PCMT1: variants seen among roughly 807,000 people sequenced by gnomAD.
PCMT1 encodes the protein protein-L-isoaspartate(D-aspartate) O-methyltransferase.
PCMT1 carries 9 observed loss-of-function variants against 29.2 expected under a neutral mutation model. The ratio of observed to expected loss-of-function variants is 0.31; its 90% CI spans 0.19 to 0.54. The LOEUF is 0.54. Ranked by LOEUF, PCMT1 falls within the 20% of genes least tolerant of loss-of-function variation. The probability of loss-of-function intolerance (pLI) is 0.95; values close to 1 mark genes in which losing one functional copy is unlikely to be tolerated. For synonymous variants in PCMT1, 98 were observed against 97.5 expected, an observed-to-expected ratio of 1.00 and a Z score of -0.03; for missense variants, 184 against 282.2, an observed-to-expected ratio of 0.65 and a Z score of 2.49.
At chr6:149,765,438 T>G (rs139387095) in intron 1 of PCMT1, among the ~76,000 whole-genome samples, 92 of 152,112 alleles carry the variant, frequency 6.0e-4, no homozygotes, top group Middle Eastern at 3.4e-3. Context: ...TGCCTATGCT[T>G]CTTCGGGTAG....
intron 1 of PCMT1, 89 bp from the exon 2 acceptor site, chr6:149,771,073 C>T: frequency 1.5e-6 from 1 of 663,952 alleles, no homozygotes; most frequent in Non-Finnish European, 2.5e-6. Flanking sequence ...TCTTCCAGTT[C>T]AGTCTCTATA....
At chr6:149,802,685 C>T (rs1259719380) in intron 7 of PCMT1, among the ~76,000 whole-genome samples, 2 of 151,082 alleles carry the variant, frequency 1.3e-5, no homozygotes, top group East Asian at 3.9e-4. Flanking sequence ...ATTTTTTCTT[C>T]ATTATCAGCC....
At chr6:149,771,134 CT>C in intron 1 of PCMT1, 27 bp from the exon 2 acceptor site, 4 of 1,280,610 alleles carry the variant, frequency 3.1e-6, no homozygotes, top group Non-Finnish European at 4.6e-6. Context: ...TCTCTCTCTT[CT>C]GAAAATATTT....
chr6:149,765,063 A>T (rs1787020789), intron 1 of PCMT1, among the ~76,000 whole-genome samples: 1 of 148,754 alleles, frequency 6.7e-6, no homozygotes, highest in Non-Finnish European at 1.5e-5. Context: ...ATAAATATAA[A>T]AAATAAAATA....
intron 5 of PCMT1, 187 bp from the exon 6 acceptor site, chr6:149,796,228 A>C: frequency 4.8e-6 from 2 of 413,838 alleles, no homozygotes; most frequent in South Asian, 1.3e-4. Context: ...CCATTGTTTT[A>C]ATGTTTCTGA....
chr6:149,781,204 GT>G (rs1408665915), intron 3 of PCMT1, among the ~76,000 whole-genome samples: 11 of 24,382 alleles, frequency 4.5e-4, no homozygotes, highest in East Asian at 6.0e-3. Context: ...TTTTTTTTTT[GT>G]TTTTTTTTTT....
intron 5 of PCMT1, chr6:149,795,193 C>CA (rs58391587): frequency 0.026 from 7,151 of 271,324 alleles, 1 homozygote; most frequent in South Asian, 0.04. Context: ...GACTTCGTCT[C>CA]AAAAAAAAAA....
chr6:149,789,252 A>AT (rs1788254766), intron 3 of PCMT1, among the ~76,000 whole-genome samples: 1 of 151,654 alleles, frequency 6.6e-6, no homozygotes. Context: ...ATTTTCTTGT[A>AT]TTTTTAGTAG....
chr6:149,802,539 C>T, intron 7 of PCMT1, 123 bp downstream of exon 7: 1 of 1,273,744 alleles, frequency 7.9e-7, no homozygotes, highest in Non-Finnish European at 9.9e-7. Context: ...GTTGCATGGT[C>T]TGCCCTTATT....
chr6:149,805,239 A>T (rs1053058148), intron 7 of PCMT1, among the ~76,000 whole-genome samples: 1 of 152,086 alleles, frequency 6.6e-6, no homozygotes, highest in Non-Finnish European at 1.5e-5. Context: ...TCTTTAAAAA[A>T]TATATTTAGA....
At chr6:149,789,924 C>T (rs1451700881) in intron 3 of PCMT1, 30 bp from the exon 4 acceptor site, 1 of 1,458,876 alleles carries the variant, frequency 6.9e-7, no homozygotes, top group Non-Finnish European at 9.4e-7. Context: ...GTACTTTAGT[C>T]TTAATGAATA....
intron 1 of PCMT1, among the ~76,000 whole-genome samples, chr6:149,758,528 T>A (rs1317249516): frequency 2.0e-5 from 3 of 151,960 alleles, no homozygotes; most frequent in Non-Finnish European, 4.4e-5. Flanking sequence ...TTCTTTTTTT[T>A]AATAGTGTTA....
intron 1 of PCMT1, among the ~76,000 whole-genome samples, chr6:149,755,144 A>T (rs1786460136): frequency 6.6e-6 from 1 of 152,170 alleles, no homozygotes; most frequent in Non-Finnish European, 1.5e-5. Context: ...GGTGGCTCAC[A>T]CCTGTAATCT....
intron 3 of PCMT1, among the ~76,000 whole-genome samples, chr6:149,782,410 C>A (rs933546889): frequency 2.6e-5 from 4 of 152,116 alleles, no homozygotes; most frequent in South Asian, 2.1e-4. Context: ...GAATATTTTC[C>A]AAACCTGTAA....
At chr6:149,792,414 G>A (rs1018463228) in intron 4 of PCMT1, among the ~76,000 whole-genome samples, 21 of 152,088 alleles carry the variant, frequency 1.4e-4, no homozygotes, top group African/African-American at 5.1e-4. Flanking sequence ...AAGCCTTTAT[G>A]TGTTAATTTT....
At chr6:149,793,017 GC>G (rs1788435907) in intron 4 of PCMT1, among the ~76,000 whole-genome samples, 1 of 151,932 alleles carries the variant, frequency 6.6e-6, no homozygotes, top group African/African-American at 2.4e-5. Context: ...AAAAAAATTA[GC>G]TGGGCATGGT....
chr6:149,752,348 C>T (rs560909385), intron 1 of PCMT1, among the ~76,000 whole-genome samples: 1 of 152,176 alleles, frequency 6.6e-6, no homozygotes, highest in African/African-American at 2.4e-5. Context: ...CAGGCACCCA[C>T]TACCACGCCT....
At chr6:149,781,190 G>GTTTTTTTTTTTTTT (rs1267846983) in intron 3 of PCMT1, among the ~76,000 whole-genome samples, 2 of 50,990 alleles carry the variant, frequency 3.9e-5, no homozygotes, top group Non-Finnish European at 6.9e-5. Flanking sequence ...CCCCTTTCTT[G>GTTTTTTTTTTTTTT]TTTTTTTTTT....
chr6:149,805,363 G>A (rs1351294234), intron 7 of PCMT1, among the ~76,000 whole-genome samples: 2 of 152,094 alleles, frequency 1.3e-5, no homozygotes, highest in Non-Finnish European at 1.5e-5. Flanking sequence ...GGAGGCCAAG[G>A]CGGGCAGATC....
Sources: gnomAD v4.1 joint callset for allele counts (sites outside exome capture counted in the v4.1 genomes callset) on GRCh38, gnomAD v4.1.1 for gene constraint, MANE v1.5 for transcripts, NCBI Gene and HGNC (gene_info 2026-07-23, HGNC 2026-07-21) for gene names.